Variants in TCAF1 observed in about 807,000 individuals in gnomAD.
TCAF1 encodes TRPM8 channel associated factor 1.
A neutral mutation model predicts 27.3 loss-of-function variants in TCAF1; 4 were observed. The observed-to-expected ratio is 0.15, with a 90% CI of 0.07 to 0.34. The LOEUF (loss-of-function observed/expected upper bound fraction) is 0.34. Ranked by LOEUF, TCAF1 falls within the 10% of genes least tolerant of loss-of-function variation. TCAF1 has a pLI of 1.00. For missense variants in TCAF1, 257 were observed against 425.8 expected, an observed-to-expected ratio of 0.60 and a Z score of 3.49; for synonymous variants, 105 against 167.1, an observed-to-expected ratio of 0.63 and a Z score of 2.87.
At chr7:143,881,025 G>A (rs1812984845) in intron 1 of TCAF1, among the ~76,000 whole-genome samples, 1 of 152,162 alleles carries the variant, frequency 6.6e-6, no homozygotes, top group Non-Finnish European at 1.5e-5. Flanking sequence ...AGAAAGTATT[G>A]AAGGCACAAC....
intron 1 of TCAF1, among the ~76,000 whole-genome samples, chr7:143,889,952 T>G (rs1228082659): frequency 6.6e-6 from 1 of 152,182 alleles, no homozygotes; most frequent in Non-Finnish European, 1.5e-5. Context: ...TCCTTCTGAC[T>G]TCGTTTCCTA....
intron 1 of TCAF1, among the ~76,000 whole-genome samples, chr7:143,897,156 A>T (rs1209834372): frequency 9.7e-6 from 1 of 102,794 alleles, no homozygotes; most frequent in Non-Finnish European, 2.0e-5. Context: ...ATATATATAT[A>T]TATATATATA....
intron 1 of TCAF1, chr7:143,882,862 G>A (rs1490938241): frequency 4.1e-6 from 4 of 985,582 alleles, no homozygotes; most frequent in South Asian, 4.7e-5. Context: ...TGGGAGCGGG[G>A]AGGAGGCTGG....
At chr7:143,888,222 T>C (rs902657904) in intron 1 of TCAF1, among the ~76,000 whole-genome samples, 1 of 152,122 alleles carries the variant, frequency 6.6e-6, no homozygotes, top group Non-Finnish European at 1.5e-5. Flanking sequence ...AATGAAATGA[T>C]AGGAAAGTAG....
chr7:143,885,977 G>T (rs1029417518), intron 1 of TCAF1, among the ~76,000 whole-genome samples: 3 of 152,176 alleles, frequency 2.0e-5, no homozygotes, highest in Non-Finnish European at 4.4e-5. Context: ...GCTGGCAGCG[G>T]CTTCTCTACA....
chr7:143,893,334 A>C (rs1161664460), intron 1 of TCAF1, among the ~76,000 whole-genome samples: 1 of 152,164 alleles, frequency 6.6e-6, no homozygotes, highest in Non-Finnish European at 1.5e-5. Flanking sequence ...ATTTAAGTAC[A>C]TTTTTCTCAG....
At chr7:143,883,498 T>G (rs1562967176) in intron 1 of TCAF1, among the ~76,000 whole-genome samples, 1 of 116,738 alleles carries the variant, frequency 8.6e-6, no homozygotes, top group African/African-American at 4.1e-5. Context: ...TCTTTCCTTT[T>G]TCTTTTTTTT....
At chr7:143,901,756 A>G (rs1814124144) in intron 1 of TCAF1, among the ~76,000 whole-genome samples, 1 of 152,198 alleles carries the variant, frequency 6.6e-6, no homozygotes, top group South Asian at 2.1e-4. Flanking sequence ...CCTCCTGCCC[A>G]GCAGAGGGCA....
chr7:143,884,581 G>T (rs988185692), intron 1 of TCAF1, among the ~76,000 whole-genome samples: 1 of 151,998 alleles, frequency 6.6e-6, no homozygotes, highest in African/African-American at 2.4e-5. Context: ...ACTGAATCTC[G>T]TGCAAAAATT....
intron 1 of TCAF1, among the ~76,000 whole-genome samples, chr7:143,900,042 C>G (rs1814046734): frequency 7.2e-6 from 1 of 139,630 alleles, no homozygotes. Context: ...GGAGTGCAAA[C>G]TGGTTTAACA....
intron 1 of TCAF1, among the ~76,000 whole-genome samples, chr7:143,883,500 CTT>C (rs374825743): frequency 3.6e-4 from 35 of 98,070 alleles, no homozygotes; most frequent in Admixed American, 8.7e-4. Context: ...TTTCCTTTTT[CTT>C]TTTTTTTTTT....
At chr7:143,859,872 C>T (rs28725388) in intron 6 of TCAF1, among the ~76,000 whole-genome samples, 11,061 of 34,508 alleles carry the variant, frequency 0.32, 2,645 homozygotes, top group South Asian at 0.55. Flanking sequence ...TACACATATA[C>T]ATATATACAT....
At chr7:143,898,844 G>A (rs1814001569) in intron 1 of TCAF1, among the ~76,000 whole-genome samples, 2 of 152,192 alleles carry the variant, frequency 1.3e-5, no homozygotes, top group Non-Finnish European at 2.9e-5. Context: ...TGGGCTTAAT[G>A]AGAGGCCATC....
At chr7:143,896,815 C>T (rs539536791) in intron 1 of TCAF1, among the ~76,000 whole-genome samples, 2 of 151,688 alleles carry the variant, frequency 1.3e-5, no homozygotes, top group East Asian at 3.9e-4. Context: ...AAATGTATAG[C>T]TTTAAAAGCT....
chr7:143,883,500 CTTTTTTTTTT>C (rs374825743), intron 1 of TCAF1, among the ~76,000 whole-genome samples: 2 of 98,078 alleles, frequency 2.0e-5, no homozygotes, highest in Non-Finnish European at 3.8e-5. Flanking sequence ...TTTCCTTTTT[CTTTTTTTTTT>C]TTTTTTTTTT....
At chr7:143,885,976 G>A (rs1003215805) in intron 1 of TCAF1, among the ~76,000 whole-genome samples, 4 of 152,094 alleles carry the variant, frequency 2.6e-5, no homozygotes, top group South Asian at 2.1e-4. Context: ...AGCTGGCAGC[G>A]GCTTCTCTAC....
At position 143,885,485 on chromosome 7, in the gene TCAF1, G is replaced by T. The variant is rs929407599; in HGVS notation, c.-14-8863C>A. ...GTGTCAGTTTCTACCCCAAGATGCC[G>T]CCCCAGATCCGGGATGGAGACCCAG... On this transcript the variant is annotated intron_variant, in intron 1 of 8. Transcript: ENST00000479870. 49 of 985,356 alleles carry T rather than the reference G, an allele frequency of 5.0e-5. No homozygotes were observed. In the African/African-American group the frequency reaches 6.6e-4, roughly 13 times the overall value. 61.0% of individuals were successfully genotyped at this position (985,356 alleles called of 1,614,324 possible).
At chr7:143,894,199 T>TA (rs558900746) in intron 1 of TCAF1, among the ~76,000 whole-genome samples, 7 of 151,486 alleles carry the variant, frequency 4.6e-5, no homozygotes, top group African/African-American at 1.2e-4. Flanking sequence ...ATCCTATACA[T>TA]AAAAAAAATG....
At chr7:143,899,757 G>A (rs1814037136) in intron 1 of TCAF1, among the ~76,000 whole-genome samples, 2 of 152,062 alleles carry the variant, frequency 1.3e-5, no homozygotes, top group South Asian at 2.1e-4. Flanking sequence ...TTACTGCTTC[G>A]TACCCAGATT....
Sources: gnomAD v4.1 joint callset for allele counts (sites outside exome capture counted in the v4.1 genomes callset) on GRCh38, gnomAD v4.1.1 for gene constraint, MANE v1.5 for transcripts, NCBI Gene and HGNC (gene_info 2026-07-23, HGNC 2026-07-21) for gene names.